The following AOPEP variants were observed in gnomAD, a reference collection of about 807,000 sequenced individuals.
AOPEP encodes aminopeptidase O.
Under a neutral mutation model 98.1 loss-of-function variants are expected in AOPEP, and 77 were observed. That is an observed-to-expected ratio of 0.78 (90% CI 0.65 to 0.95). The LOEUF is 0.95. AOPEP is among the 40% of genes least tolerant of loss of function. The pLI, the probability that AOPEP is intolerant of heterozygous loss-of-function variation, is 0.00. For missense variants in AOPEP, 1,024 were observed against 1,024.7 expected (o/e 1.00, Z 0.01); for synonymous variants, 346 against 365.3 (o/e 0.95, Z 0.60).
At chr9:94,909,521 C>T (rs2051695080) in intron 5 of AOPEP, among the ~76,000 whole-genome samples, 1 of 152,092 alleles carries the variant, frequency 6.6e-6, no homozygotes, top group Admixed American at 6.5e-5. Flanking sequence ...CAACCAACCA[C>T]CAAAACAAAG....
chr9:95,047,083 C>A (rs1290810553), intron 13 of AOPEP, among the ~76,000 whole-genome samples: 1 of 152,164 alleles, frequency 6.6e-6, no homozygotes, highest in Non-Finnish European at 1.5e-5. Flanking sequence ...AGTTTTCTAT[C>A]ACATGAACAG....
At chr9:94,936,321 T>C (rs926039688) in intron 7 of AOPEP, among the ~76,000 whole-genome samples, 2 of 152,124 alleles carry the variant, frequency 1.3e-5, no homozygotes, top group African/African-American at 2.4e-5. Context: ...TGTCGTTCTT[T>C]GCTTTACCCT....
At chr9:94,984,755 G>A (rs1435748284) in intron 11 of AOPEP, among the ~76,000 whole-genome samples, 2 of 152,192 alleles carry the variant, frequency 1.3e-5, no homozygotes, top group Non-Finnish European at 2.9e-5. Flanking sequence ...CTGTTCTAAA[G>A]CTATTAGTTG....
chr9:94,959,192 C>T (rs1034761440), intron 9 of AOPEP, among the ~76,000 whole-genome samples: 7 of 151,922 alleles, frequency 4.6e-5, no homozygotes, highest in African/African-American at 7.3e-5. Flanking sequence ...TACAGGTGCC[C>T]GCCACCACAC....
At chr9:95,040,909 G>A (rs1020280262) in intron 13 of AOPEP, among the ~76,000 whole-genome samples, 1 of 28,616 alleles carries the variant, frequency 3.5e-5, no homozygotes, top group Non-Finnish European at 8.6e-5. Flanking sequence ...AGAAAACACG[G>A]TAAACAGTCT....
chr9:95,051,128 C>G (rs901371950), intron 13 of AOPEP, among the ~76,000 whole-genome samples: 1 of 129,652 alleles, frequency 7.7e-6, no homozygotes, highest in Non-Finnish European at 1.6e-5. Flanking sequence ...CTCGCTCTGT[C>G]GCCCAGGCTG....
At position 95,005,618 on chromosome 9, in the gene AOPEP, T is replaced by C; in HGVS notation, c.2115+2T>C. The C allele has an allele frequency of 6.2e-7, 1 of 1,613,670 alleles. No individual in the cohort carries two copies. Among genetic ancestry groups the C allele is most frequent in the Non-Finnish European group, 8.5e-7 (1 of 1,179,688 alleles). ...GAGAAGGAAGAGGTGTTTGAAAAGG[T>C]AGGGGTTCCCGAGACGGTACTCGGT... On this transcript the variant is annotated splice_donor_variant, in intron 13 of 16. Transcript: ENST00000375315. LOFTEE classifies it high-confidence loss of function.
At chr9:95,125,134 C>G in the AOPEP span, 1 of 1,614,204 alleles carries the variant, frequency 6.2e-7, no homozygotes, top group Non-Finnish European at 8.5e-7. Flanking sequence ...GCGTAAACAC[C>G]TGAATAGTGG....
At chr9:94,804,421 G>A (rs1214922401) in intron 5 of AOPEP, among the ~76,000 whole-genome samples, 1 of 152,080 alleles carries the variant, frequency 6.6e-6, no homozygotes, top group Non-Finnish European at 1.5e-5. Context: ...TTTCAGAGTG[G>A]TTTTCTGTGA....
chr9:94,909,941 C>G (rs1041554633), intron 5 of AOPEP, among the ~76,000 whole-genome samples: 1 of 152,154 alleles, frequency 6.6e-6, no homozygotes, highest in African/African-American at 2.4e-5. Flanking sequence ...TCTAAGAGCC[C>G]TTCTGGATCG....
chr9:94,869,655 G>A (rs1340569723), intron 5 of AOPEP, among the ~76,000 whole-genome samples: 1 of 152,196 alleles, frequency 6.6e-6, no homozygotes, highest in Non-Finnish European at 1.5e-5. Flanking sequence ...TTGAATTAGT[G>A]TAAAAGGAAG....
At chr9:94,731,017 G>A (rs1830394911) in intron 1 of AOPEP, among the ~76,000 whole-genome samples, 1 of 152,198 alleles carries the variant, frequency 6.6e-6, no homozygotes, top group Non-Finnish European at 1.5e-5. Context: ...GGGAAATGGA[G>A]ATAATATTAC....
rs73654293 is a variant in AOPEP, at chr9:94,817,440, G to A, written c.1364+16438G>A. Reference sequence around the variant, plus strand: ...GAAATGCTGCATGGACGAGTGTGGTGCTTACAATTGGCCAGCTCCATGGCC... The same window carrying A: ...GAAATGCTGCATGGACGAGTGTGGTACTTACAATTGGCCAGCTCCATGGCC... On this transcript the variant is annotated intron_variant, in intron 5 of 16. Coordinates refer to ENST00000375315, the MANE Select transcript of AOPEP (RefSeq NM_001193329.3). 6.6e-3 allele frequency among the ~76,000 whole-genome samples: 1,008 copies of A among 152,314 alleles called. 8 individuals are homozygous for A. Among genetic ancestry groups the A allele is most frequent in the African/African-American group, 0.023 (970 of 41,570 alleles).
intron 11 of AOPEP, among the ~76,000 whole-genome samples, chr9:94,991,188 C>G (rs1044161058): frequency 6.6e-6 from 1 of 152,176 alleles, no homozygotes; most frequent in African/African-American, 2.4e-5. Context: ...CCCTGCTGAC[C>G]GGGAAAGCCA....
intron 7 of AOPEP, among the ~76,000 whole-genome samples, chr9:94,934,182 G>A (rs1192663572): frequency 6.6e-6 from 1 of 152,130 alleles, no homozygotes; most frequent in Non-Finnish European, 1.5e-5. Flanking sequence ...CCCCTGCCCA[G>A]TGCACCAGCT....
intron 5 of AOPEP, among the ~76,000 whole-genome samples, chr9:94,819,964 GAGA>G (rs1564192756): frequency 1.9e-3 from 47 of 24,636 alleles, no homozygotes; most frequent in East Asian, 2.2e-3. Flanking sequence ...TTTTTTTTTT[GAGA>G]TGGAGTCTCG....
At chr9:95,024,775 C>G (rs2063713912) in intron 13 of AOPEP, among the ~76,000 whole-genome samples, 1 of 152,184 alleles carries the variant, frequency 6.6e-6, no homozygotes, top group Admixed American at 6.5e-5. Context: ...TTCCTGCTTC[C>G]TCTACTCTTC....
At chr9:95,130,502 T>A in the AOPEP span, among the ~76,000 whole-genome samples, 1 of 152,268 alleles carries the variant, frequency 6.6e-6, no homozygotes, top group East Asian at 1.9e-4. Context: ...GCCTTAAAAA[T>A]AAAGAAGGAA....
At chr9:94,915,004 A>G (rs2052600338) in intron 5 of AOPEP, among the ~76,000 whole-genome samples, 1 of 152,102 alleles carries the variant, frequency 6.6e-6, no homozygotes, top group Non-Finnish European at 1.5e-5. Flanking sequence ...TAGCGGACCT[A>G]CCTCCCGGTG....
Sources: allele counts gnomAD v4.1 joint callset (sites outside exome capture counted in the v4.1 genomes callset), GRCh38; gene constraint gnomAD v4.1.1; transcripts MANE v1.5; gene names NCBI Gene and HGNC (gene_info 2026-07-23, HGNC 2026-07-21).